The following EFCAB11 variants were observed in gnomAD, a reference collection of about 807,000 sequenced individuals.
The protein encoded by EFCAB11 is EF-hand calcium-binding domain-containing protein 11.
A neutral mutation model predicts 23.0 loss-of-function variants in EFCAB11; 14 were observed. That is an observed-to-expected ratio of 0.61 (90% CI 0.40 to 0.95). The LOEUF is 0.95. EFCAB11 is among the 40% of genes least tolerant of loss of function. EFCAB11 has a pLI of 0.00. For missense variants in EFCAB11, 198 were observed against 195.8 expected (o/e 1.01, Z -0.07); for synonymous variants, 65 against 66.6 (o/e 0.98, Z 0.11).
At chr14:89,837,021 T>C (rs1036699895) in intron 5 of EFCAB11, 5 of 455,790 alleles carry the variant, frequency 1.1e-5, no homozygotes, top group Admixed American at 4.7e-5. Context: ...TACACTTGCC[T>C]GAGAATCTGC....
intron 5 of EFCAB11, among the ~76,000 whole-genome samples, chr14:89,858,986 A>C (rs567466978): frequency 2.6e-5 from 4 of 152,302 alleles, no homozygotes; most frequent in East Asian, 3.9e-4. Context: ...TACTAGAATT[A>C]TATGACTCAA....
At chr14:89,872,138 A>G (rs914844302) in intron 5 of EFCAB11, among the ~76,000 whole-genome samples, 6 of 152,366 alleles carry the variant, frequency 3.9e-5, no homozygotes, top group African/African-American at 1.4e-4. Flanking sequence ...TTACATTACC[A>G]TATTCTTTTC....
intron 5 of EFCAB11, among the ~76,000 whole-genome samples, chr14:89,862,321 T>C (rs529564703): frequency 6.6e-6 from 1 of 152,234 alleles, no homozygotes; most frequent in South Asian, 2.1e-4. Flanking sequence ...CATTTTTTTT[T>C]ATTAGAAAAA....
At chr14:89,843,519 T>C (rs1887336546) in intron 5 of EFCAB11, among the ~76,000 whole-genome samples, 1 of 152,146 alleles carries the variant, frequency 6.6e-6, no homozygotes, top group South Asian at 2.1e-4. Context: ...AGATTCATAG[T>C]TAAAAAGGGG....
chr14:89,949,859 C>G (rs1891104362), intron 3 of EFCAB11, among the ~76,000 whole-genome samples: 1 of 152,144 alleles, frequency 6.6e-6, no homozygotes, highest in Admixed American at 6.5e-5. Flanking sequence ...TGGATGGCAG[C>G]AGGCAAAGAG....
chr14:89,929,030 C>CATATATATAT (rs34339124), intron 5 of EFCAB11, among the ~76,000 whole-genome samples: 6 of 121,312 alleles, frequency 4.9e-5, no homozygotes, highest in East Asian at 5.3e-4. Flanking sequence ...TAAATACATA[C>CATATATATAT]ATATATATAT....
intron 5 of EFCAB11, among the ~76,000 whole-genome samples, chr14:89,798,657 G>A (rs1323594415): frequency 6.6e-6 from 1 of 152,166 alleles, no homozygotes; most frequent in Admixed American, 6.5e-5. Context: ...ATAATGTTTA[G>A]AATAAACTGC....
chr14:89,909,385 C>T (rs1354686082), intron 5 of EFCAB11, among the ~76,000 whole-genome samples: 3 of 152,174 alleles, frequency 2.0e-5, no homozygotes, highest in Non-Finnish European at 4.4e-5. Flanking sequence ...TGAGACCAGC[C>T]TGGCCAATGT....
chr14:89,882,668 C>A (rs1468167954), intron 5 of EFCAB11, among the ~76,000 whole-genome samples: 1 of 152,140 alleles, frequency 6.6e-6, no homozygotes. Flanking sequence ...TTTCACTGTT[C>A]TTAGGAACAA....
intron 5 of EFCAB11, among the ~76,000 whole-genome samples, chr14:89,802,283 T>A (rs895780317): frequency 6.6e-6 from 1 of 151,944 alleles, no homozygotes; most frequent in Non-Finnish European, 1.5e-5. Context: ...TCTTTTCTAT[T>A]AAAATGACAT....
chr14:89,832,776 T>A (rs1886927512), intron 5 of EFCAB11, among the ~76,000 whole-genome samples: 1 of 152,166 alleles, frequency 6.6e-6, no homozygotes, highest in African/African-American at 2.4e-5. Flanking sequence ...TATTGAATAC[T>A]GTACTGAAAA....
At chr14:89,915,779 C>T (rs1889820959) in intron 5 of EFCAB11, among the ~76,000 whole-genome samples, 1 of 152,096 alleles carries the variant, frequency 6.6e-6, no homozygotes, top group African/African-American at 2.4e-5. Context: ...AAATTAGGAA[C>T]TAAAAGAGAG....
chr14:89,825,242 C>T (rs770463317), intron 5 of EFCAB11, among the ~76,000 whole-genome samples: 9 of 151,760 alleles, frequency 5.9e-5, no homozygotes, highest in Non-Finnish European at 1.0e-4. Flanking sequence ...TCATAATAAC[C>T]CATGGGTCAA....
chr14:89,854,646 CAA>C (rs2140142818), intron 5 of EFCAB11, among the ~76,000 whole-genome samples: 1 of 152,216 alleles, frequency 6.6e-6, no homozygotes, highest in African/African-American at 2.4e-5. Context: ...CCTAATTGTC[CAA>C]AAGACGCCTT....
intron 5 of EFCAB11, among the ~76,000 whole-genome samples, chr14:89,870,579 C>T (rs1888234778): frequency 6.6e-6 from 1 of 151,914 alleles, no homozygotes; most frequent in African/African-American, 2.4e-5. Context: ...TATGATGAAG[C>T]ATAATAAAAC....
intron 5 of EFCAB11, among the ~76,000 whole-genome samples, chr14:89,906,638 T>G (rs1418523202): frequency 1.3e-5 from 2 of 152,170 alleles, no homozygotes; most frequent in Non-Finnish European, 2.9e-5. Context: ...ATTTGCAACA[T>G]GCTAAAAATC....
At chr14:89,805,537 C>T (rs1885938946) in intron 5 of EFCAB11, among the ~76,000 whole-genome samples, 1 of 152,196 alleles carries the variant, frequency 6.6e-6, no homozygotes, top group Non-Finnish European at 1.5e-5. Flanking sequence ...GGTGCAATTT[C>T]CACAACAGTT....
At chr14:89,831,689 T>C (rs1478842042) in intron 5 of EFCAB11, among the ~76,000 whole-genome samples, 1 of 152,106 alleles carries the variant, frequency 6.6e-6, no homozygotes, top group East Asian at 1.9e-4. Context: ...AAGGAAAAAA[T>C]CGTACTTTAT....
chr14:89,861,655 A>C (rs1321447364), intron 5 of EFCAB11, among the ~76,000 whole-genome samples: 1 of 152,188 alleles, frequency 6.6e-6, no homozygotes, highest in East Asian at 1.9e-4. Flanking sequence ...CTGATTAGGA[A>C]TGTGGTCTTT....
Sources: gnomAD v4.1 joint callset for allele counts (sites outside exome capture counted in the v4.1 genomes callset) on GRCh38, gnomAD v4.1.1 for gene constraint, MANE v1.5 for transcripts, NCBI Gene and HGNC (gene_info 2026-07-23, HGNC 2026-07-21) for gene names.